Variants in SHF observed in about 807,000 individuals in gnomAD.
The protein encoded by SHF is Src homology 2 domain containing F.
SHF carries 30 observed loss-of-function variants against 42.4 expected under a neutral mutation model. The ratio of observed to expected loss-of-function variants is 0.71; its 90% CI spans 0.53 to 0.96. The LOEUF (loss-of-function observed/expected upper bound fraction) is 0.96. Ranked by LOEUF, SHF falls within the 40% of genes least tolerant of loss-of-function variation. SHF has a pLI of 0.00. For synonymous variants in SHF, 264 were observed against 269.9 expected, an observed-to-expected ratio of 0.98 and a Z score of 0.21; for missense variants, 598 against 634.0, an observed-to-expected ratio of 0.94 and a Z score of 0.61.
Position 45,168,180 on chromosome 15 carries a change from C to T in SHF, c.1281-47G>A, listed in dbSNP as rs767865438. On this transcript the variant is annotated intron_variant, in intron 6 of 6. Transcript: ENST00000690270. ...TTGGTGAGTGGGGGCTCTCCTCAGC[C>T]CCCTCATCCATCCACCCAGTAACCC... 5 of 1,499,474 alleles carry T rather than the reference C, an allele frequency of 3.3e-6. No individual in the cohort carries two copies. In the South Asian group the frequency reaches 5.5e-5, roughly 16 times the overall value. 92.9% of individuals were successfully genotyped at this position (1,499,474 alleles called of 1,614,324 possible).
chr15:45,192,894 C>T (rs145068155), upstream of SHF, among the ~76,000 whole-genome samples: 1 of 152,278 alleles, frequency 6.6e-6, no homozygotes, highest in East Asian at 1.9e-4. Flanking sequence ...CTGAAAGGAG[C>T]ACTACATAGG....
intron 6 of SHF, 152 bp downstream of exon 6, chr15:45,171,731 G>A: frequency 1.3e-6 from 1 of 750,368 alleles, no homozygotes; most frequent in Non-Finnish European, 2.2e-6. Context: ...CTTGAGAGCA[G>A]GGGCTGAGTC....
chr15:45,200,701 G>A (rs1208092326), intron 1 of SHF: 1 of 456,110 alleles, frequency 2.2e-6, no homozygotes, highest in Admixed American at 2.3e-5. Flanking sequence ...CTCCACCGTG[G>A]AGGCTGCTCT....
At chr15:45,175,856 T>G (rs1417884842) in intron 2 of SHF, among the ~76,000 whole-genome samples, 2 of 147,246 alleles carry the variant, frequency 1.4e-5, no homozygotes, top group African/African-American at 5.0e-5. Context: ...TCTTGCTCTC[T>G]CACCCAGGCT....
upstream of SHF, among the ~76,000 whole-genome samples, chr15:45,188,680 T>G (rs1019355981): frequency 5.3e-5 from 8 of 151,970 alleles, no homozygotes; most frequent in African/African-American, 1.9e-4. Context: ...GAGCACCTGC[T>G]CCAAACGGGC....
chr15:45,190,124 C>T (rs1202146858), upstream of SHF, among the ~76,000 whole-genome samples: 1 of 152,124 alleles, frequency 6.6e-6, no homozygotes, highest in Non-Finnish European at 1.5e-5. Flanking sequence ...GGTGGGGTCC[C>T]AGGTGATACA....
At chr15:45,194,377 A>G (rs540508292) in intron 2 of SHF, among the ~76,000 whole-genome samples, 5 of 151,162 alleles carry the variant, frequency 3.3e-5, no homozygotes, top group Non-Finnish European at 5.9e-5. Context: ...TTTGAGATGG[A>G]GTCTTGCTCT....
At chr15:45,183,794 A>G (rs764206582) in intron 1 of SHF, among the ~76,000 whole-genome samples, 18 of 152,210 alleles carry the variant, frequency 1.2e-4, no homozygotes, top group Non-Finnish European at 1.6e-4. Context: ...TGGTGCCACA[A>G]TGTGGGGTGA....
chr15:45,193,016 T>C (rs1331611375), intron 2 of SHF, among the ~76,000 whole-genome samples: 1 of 152,214 alleles, frequency 6.6e-6, no homozygotes, highest in African/African-American at 2.4e-5. Context: ...CCACCGGATC[T>C]CTCCACTTTA....
At chr15:45,198,923 G>C in exon 2 of SHF, 1 of 1,614,026 alleles carries the variant, frequency 6.2e-7, no homozygotes, top group Non-Finnish European at 8.5e-7. Context: ...GTTTAGGGGA[G>C]ACGGCGTGAG....
intron 3 of SHF, among the ~76,000 whole-genome samples, chr15:45,174,646 C>T (rs565668752): frequency 6.6e-6 from 1 of 152,338 alleles, no homozygotes; most frequent in East Asian, 1.9e-4. Context: ...AGACCACTAA[C>T]ATGAACTTTT....
At chr15:45,187,254 T>A (rs1263713661) in intron 1 of SHF, among the ~76,000 whole-genome samples, 200 bp downstream of exon 1, 1 of 152,110 alleles carries the variant, frequency 6.6e-6, no homozygotes, top group Non-Finnish European at 1.5e-5. Flanking sequence ...GGGGCAGAGT[T>A]TGGGGCTTCC....
intron 6 of SHF, chr15:45,170,369 T>C (rs1275067669): frequency 5.4e-6 from 7 of 1,287,350 alleles, no homozygotes; most frequent in Non-Finnish European, 7.1e-6. Flanking sequence ...CCATGAACTT[T>C]ATAATTTTTA....
intron 6 of SHF, 98 bp from the exon 7 acceptor site, chr15:45,168,231 G>A (rs1897312586): frequency 8.3e-7 from 1 of 1,199,186 alleles, no homozygotes; most frequent in Non-Finnish European, 1.1e-6. Flanking sequence ...CAAATGTGGT[G>A]GTTCCGAAGC....
intron 2 of SHF, among the ~76,000 whole-genome samples, chr15:45,175,824 T>C (rs71405287): frequency 8.7e-5 from 8 of 91,484 alleles, no homozygotes; most frequent in Admixed American, 2.4e-4. Flanking sequence ...CTTTTCTTTT[T>C]TTTTTTTTTT....
intron 1 of SHF, among the ~76,000 whole-genome samples, chr15:45,184,718 G>A (rs1898294468): frequency 6.6e-6 from 1 of 152,264 alleles, no homozygotes. Context: ...AGAAAAGGGA[G>A]CAAAGCAAGG....
chr15:45,185,397 C>G (rs2141410441), intron 1 of SHF, among the ~76,000 whole-genome samples: 1 of 152,260 alleles, frequency 6.6e-6, no homozygotes, highest in Non-Finnish European at 1.5e-5. Flanking sequence ...CTTGTTTGAG[C>G]TTTTCCTAGG....
At chr15:45,175,492 A>G (rs537130396) in intron 2 of SHF, 67 bp from the exon 3 acceptor site, 167 of 1,494,408 alleles carry the variant, frequency 1.1e-4, no homozygotes, top group East Asian at 6.9e-4. Flanking sequence ...CCCTCCTCCA[A>G]TGCTTCTCAG....
At chr15:45,179,494 A>C (rs903209042) in intron 1 of SHF, among the ~76,000 whole-genome samples, 2 of 151,984 alleles carry the variant, frequency 1.3e-5, no homozygotes, top group Non-Finnish European at 2.9e-5. Context: ...AAGTGGGCTC[A>C]CGGCCACTCC....
Sources: gnomAD v4.1 joint callset for allele counts (sites outside exome capture counted in the v4.1 genomes callset) on GRCh38, gnomAD v4.1.1 for gene constraint, MANE v1.5 for transcripts, NCBI Gene and HGNC (gene_info 2026-07-23, HGNC 2026-07-21) for gene names.